ST13: variants seen among roughly 807,000 people sequenced by gnomAD.
ST13 encodes the protein ST13 Hsp70 interacting protein.
ST13 carries 23 observed loss-of-function variants against 56.7 expected under a neutral mutation model. The ratio of observed to expected loss-of-function variants is 0.41; its 90% CI spans 0.29 to 0.57. ST13 has a LOEUF of 0.57. Ranked by LOEUF, ST13 falls within the 20% of genes least tolerant of loss-of-function variation. The probability of loss-of-function intolerance (pLI) is 0.36; values close to 1 mark genes in which losing one functional copy is unlikely to be tolerated. For missense variants in ST13, 369 were observed against 459.9 expected (o/e 0.80, Z 1.81); for synonymous variants, 132 against 142.4 (o/e 0.93, Z 0.52).
At chr22:40,851,646 A>G (rs1407141562) in intron 1 of ST13, among the ~76,000 whole-genome samples, 1 of 152,230 alleles carries the variant, frequency 6.6e-6, no homozygotes, top group Non-Finnish European at 1.5e-5. Context: ...CAACAGTTGG[A>G]AGCAACGTAG....
intron 6 of ST13, 51 bp downstream of exon 6, chr22:40,835,752 A>C (rs779444192): frequency 7.5e-6 from 12 of 1,599,176 alleles, no homozygotes; most frequent in Non-Finnish European, 8.6e-6. Flanking sequence ...TATTTAAACA[A>C]ATGTGCAGAA....
At chr22:40,851,636 C>G (rs1278443601) in intron 1 of ST13, among the ~76,000 whole-genome samples, 1 of 151,920 alleles carries the variant, frequency 6.6e-6, no homozygotes, top group Non-Finnish European at 1.5e-5. Context: ...GAGCACTCCA[C>G]AACAGTTGGA....
At chr22:40,851,392 C>T (rs2057860571) in intron 1 of ST13, among the ~76,000 whole-genome samples, 1 of 152,192 alleles carries the variant, frequency 6.6e-6, no homozygotes, top group African/African-American at 2.4e-5. Flanking sequence ...GCATGCCCAT[C>T]ACATTATAGA....
intron 6 of ST13, 28 bp downstream of exon 6, chr22:40,835,775 G>A (rs1352017678): frequency 1.2e-6 from 2 of 1,608,660 alleles, no homozygotes; most frequent in South Asian, 1.1e-5. Flanking sequence ...TATTTGCCAG[G>A]GGATGCTTTT....
At chr22:40,832,783 T>A (rs1300646235) in intron 7 of ST13, 112 bp from the exon 8 acceptor site, 12 of 767,840 alleles carry the variant, frequency 1.6e-5, no homozygotes, top group Non-Finnish European at 2.3e-5. Flanking sequence ...TTAAGTTAAA[T>A]ATTAACTATA....
intron 4 of ST13, among the ~76,000 whole-genome samples, chr22:40,842,643 G>C (rs180845618): frequency 6.6e-6 from 1 of 152,238 alleles, no homozygotes; most frequent in African/African-American, 2.4e-5. Context: ...ACAAGAAGGA[G>C]GCAATATTTA....
At chr22:40,835,336 TA>T (rs1322199160) in intron 7 of ST13, 1 of 372,180 alleles carries the variant, frequency 2.7e-6, no homozygotes, top group East Asian at 4.4e-5. Context: ...AAATACTTTT[TA>T]TTTCTTCCTT....
At chr22:40,837,310 A>C (rs1489827962) in intron 5 of ST13, among the ~76,000 whole-genome samples, 1 of 152,194 alleles carries the variant, frequency 6.6e-6, no homozygotes, top group Non-Finnish European at 1.5e-5. Context: ...TTCAAAACCT[A>C]AATTTTTTTT....
At chr22:40,844,708 C>G (rs2057822076) in intron 4 of ST13, 131 bp downstream of exon 4, 2 of 679,742 alleles carry the variant, frequency 2.9e-6, no homozygotes. Flanking sequence ...ACAATGCTTG[C>G]CTAAAACGCC....
chr22:40,841,384 C>CA (rs2145741953), intron 4 of ST13, among the ~76,000 whole-genome samples: 1 of 151,362 alleles, frequency 6.6e-6, no homozygotes, highest in East Asian at 1.9e-4. Flanking sequence ...CCTACCCCTG[C>CA]AAAAAAAGAA....
intron 10 of ST13, among the ~76,000 whole-genome samples, 183 bp downstream of exon 10, chr22:40,829,443 A>T (rs2057743797): frequency 6.6e-6 from 1 of 152,216 alleles, no homozygotes; most frequent in Non-Finnish European, 1.5e-5. Flanking sequence ...CTATTTTTAC[A>T]CTGTACAAAA....
intron 3 of ST13, 64 bp from the exon 4 acceptor site, chr22:40,844,973 TTATTAAAAACTGA>T: frequency 8.4e-7 from 1 of 1,189,176 alleles, no homozygotes; most frequent in Non-Finnish European, 1.2e-6. Context: ...ACTCCCAAGA[TTATTAAAAACTGA>T]CATACTATGA....
intron 7 of ST13, among the ~76,000 whole-genome samples, chr22:40,833,149 G>T (rs1471645657): frequency 3.3e-5 from 5 of 152,176 alleles, no homozygotes; most frequent in South Asian, 2.1e-4. Flanking sequence ...CGAAAACTGA[G>T]AATTCACTGG....
At chr22:40,843,444 G>C (rs1338526659) in intron 4 of ST13, among the ~76,000 whole-genome samples, 1 of 152,052 alleles carries the variant, frequency 6.6e-6, no homozygotes, top group African/African-American at 2.4e-5. Context: ...TGTGGCATTA[G>C]TGAACAGAAA....
chr22:40,843,861 C>T (rs1331945808), intron 4 of ST13, among the ~76,000 whole-genome samples: 1 of 150,902 alleles, frequency 6.6e-6, no homozygotes, highest in African/African-American at 2.4e-5. Context: ...TATGCTCAGC[C>T]TCATTAGGAA....
intron 2 of ST13, among the ~76,000 whole-genome samples, chr22:40,850,400 TCA>T (rs2057855455): frequency 6.6e-6 from 1 of 152,184 alleles, no homozygotes; most frequent in African/African-American, 2.4e-5. Flanking sequence ...ACACCATGAT[TCA>T]CACTCACAAA....
chr22:40,830,093 C>CTT (rs2057747311), intron 9 of ST13, among the ~76,000 whole-genome samples: 1 of 151,946 alleles, frequency 6.6e-6, no homozygotes, highest in Non-Finnish European at 1.5e-5. Context: ...GTTTTTGCTG[C>CTT]TTTTTAAAAG....
At chr22:40,844,414 T>G (rs1258807653) in intron 4 of ST13, among the ~76,000 whole-genome samples, 1 of 152,192 alleles carries the variant, frequency 6.6e-6, no homozygotes, top group East Asian at 1.9e-4. Flanking sequence ...ATATTAATAT[T>G]CTATGAGTCT....
intron 5 of ST13, among the ~76,000 whole-genome samples, chr22:40,837,316 T>C (rs1361309578): frequency 6.6e-6 from 1 of 152,204 alleles, no homozygotes; most frequent in Non-Finnish European, 1.5e-5. Flanking sequence ...ACCTAAATTT[T>C]TTTTATGACA....
Sources: allele counts gnomAD v4.1 joint callset (sites outside exome capture counted in the v4.1 genomes callset), GRCh38; gene constraint gnomAD v4.1.1; transcripts MANE v1.5; gene names NCBI Gene and HGNC (gene_info 2026-07-23, HGNC 2026-07-21).